The following GLRA3 variants were observed in gnomAD, a reference collection of about 807,000 sequenced individuals.
The protein encoded by GLRA3 is glycine receptor subunit alpha-3.
Under a neutral mutation model 60.4 loss-of-function variants are expected in GLRA3, and 44 were observed. The observed-to-expected ratio is 0.73, with a 90% CI of 0.57 to 0.94. The LOEUF (loss-of-function observed/expected upper bound fraction) is 0.94. Ranked by LOEUF, GLRA3 falls within the 40% of genes least tolerant of loss-of-function variation. The probability of loss-of-function intolerance (pLI) is 0.00; values close to 1 mark genes in which losing one functional copy is unlikely to be tolerated. For synonymous variants in GLRA3, 223 were observed against 192.9 expected, an observed-to-expected ratio of 1.16 and a Z score of -1.29; for missense variants, 508 against 564.6, an observed-to-expected ratio of 0.90 and a Z score of 1.02.
Position 174,817,962 on chromosome 4 carries a change from T to C in GLRA3, c.71+10779A>G, listed in dbSNP as rs577804665. ...TTATAGCTATAATGCTAAGTATATA[T>C]TTTCTGCTAAAGAGAGATTATCAGA... On this transcript the variant is annotated intron_variant, in intron 1 of 9. Coordinates refer to ENST00000274093, the MANE Select transcript of GLRA3 (RefSeq NM_006529.4). Among the ~76,000 whole-genome samples the C allele has an allele frequency of 2.9e-4, 44 of 152,270 alleles. No homozygotes were observed. The South Asian group carries it at 8.9e-3, about 31-fold the overall frequency.
chr4:174,761,373 T>C (rs765632957), intron 3 of GLRA3, among the ~76,000 whole-genome samples: 1 of 152,268 alleles, frequency 6.6e-6, no homozygotes, highest in African/African-American at 2.4e-5. Context: ...TGTGAGCCTA[T>C]CATTTGTATG....
intron 6 of GLRA3, among the ~76,000 whole-genome samples, chr4:174,677,948 A>G (rs1307861981): frequency 1.3e-5 from 2 of 152,160 alleles, no homozygotes; most frequent in Non-Finnish European, 2.9e-5. Flanking sequence ...TTCTTTACTC[A>G]TAGACTGTTT....
chr4:174,654,583 T>G (rs908065805), intron 9 of GLRA3, among the ~76,000 whole-genome samples: 12 of 152,172 alleles, frequency 7.9e-5, no homozygotes, highest in African/African-American at 2.7e-4. Flanking sequence ...TATGTTTTCT[T>G]GCAGCAAACC....
intron 1 of GLRA3, among the ~76,000 whole-genome samples, chr4:174,792,338 T>A (rs985559869): frequency 6.6e-6 from 1 of 152,200 alleles, no homozygotes; most frequent in African/African-American, 2.4e-5. Context: ...ATTTTCTGTT[T>A]TTTTTTAATG....
chr4:174,738,290 C>T (rs1419778829), intron 3 of GLRA3, among the ~76,000 whole-genome samples: 1 of 152,114 alleles, frequency 6.6e-6, no homozygotes, highest in Non-Finnish European at 1.5e-5. Flanking sequence ...CATATATAAC[C>T]TATTAAAATC....
rs149162054 is a variant in GLRA3, at chr4:174,682,034, G to A, written c.712+768C>T. ...CAGTTCTGGAAAATGCTGAGTCCAC[G>A]ATGAATCATAGTTACTGTAATGAAA... On this transcript the variant is annotated intron_variant, in intron 6 of 9. Transcript: ENST00000274093. Among the ~76,000 whole-genome samples the A allele has an allele frequency of 9.2e-5, 14 of 152,282 alleles. No homozygotes were observed. In the East Asian group the frequency reaches 2.3e-3, roughly 25 times the overall value.
intron 1 of GLRA3, among the ~76,000 whole-genome samples, chr4:174,804,981 A>G (rs1306612291): frequency 6.6e-6 from 1 of 152,164 alleles, no homozygotes; most frequent in Middle Eastern, 3.2e-3. Context: ...AAAAGTGAAG[A>G]TGGAGCCTTC....
intron 1 of GLRA3, among the ~76,000 whole-genome samples, chr4:174,811,993 A>G (rs1176594927): frequency 1.3e-5 from 2 of 152,198 alleles, no homozygotes; most frequent in African/African-American, 4.8e-5. Context: ...ACTTTAAAAT[A>G]AGCACAAAGC....
At chr4:174,817,939 A>G (rs1047755635) in intron 1 of GLRA3, among the ~76,000 whole-genome samples, 1 of 152,216 alleles carries the variant, frequency 6.6e-6, no homozygotes, top group Non-Finnish European at 1.5e-5. Context: ...ATATGAAATT[A>G]TAGCTATAAT....
At chr4:174,817,341 G>A (rs538866654) in intron 1 of GLRA3, among the ~76,000 whole-genome samples, 1 of 152,282 alleles carries the variant, frequency 6.6e-6, no homozygotes, top group Middle Eastern at 3.4e-3. Flanking sequence ...AGAAGGATTG[G>A]CAACCTCCAT....
At chr4:174,723,190 T>A (rs1348542895) in intron 4 of GLRA3, among the ~76,000 whole-genome samples, 3 of 152,120 alleles carry the variant, frequency 2.0e-5, no homozygotes, top group Non-Finnish European at 4.4e-5. Context: ...ATTATTTAAG[T>A]GTTCAATATA....
rs1732520409 is a variant in GLRA3 at position 174,637,383 on chromosome 4, C to CG, written c.*6402_*6403insC. On this transcript the variant is annotated 3_prime_UTR_variant, in exon 10 of 10. Transcript: ENST00000274093. ...ATGTCAGGGTACTTCACTCTATTTC[C>CG]CCCCCCATATTATCATTTATCATAC... is the stretch of plus-strand genomic sequence containing the variant. 6.6e-6 allele frequency: 1 copy of CG among 150,946 alleles called. No homozygotes were observed. The highest frequency in any genetic ancestry group is 6.6e-5 in the Admixed American group (1 of 15,066). 9.4% of individuals were successfully genotyped at this position (150,946 alleles called of 1,614,324 possible).
intron 3 of GLRA3, among the ~76,000 whole-genome samples, chr4:174,730,615 T>A (rs982094218): frequency 6.6e-6 from 1 of 152,230 alleles, no homozygotes; most frequent in Non-Finnish European, 1.5e-5. Flanking sequence ...AATCTCTTTA[T>A]CCTTATGTTA....
At chr4:174,772,965 G>T (rs1384046299) in intron 2 of GLRA3, among the ~76,000 whole-genome samples, 1 of 152,152 alleles carries the variant, frequency 6.6e-6, no homozygotes, top group East Asian at 1.9e-4. Flanking sequence ...GGTTTCTGGT[G>T]CACATGAGAT....
chr4:174,741,741 G>T (rs1170312461), intron 3 of GLRA3, among the ~76,000 whole-genome samples: 1 of 151,760 alleles, frequency 6.6e-6, no homozygotes, highest in African/African-American at 2.4e-5. Flanking sequence ...TTAGGTTTGC[G>T]GTCAACTACG....
chr4:174,804,944 T>C (rs185859967), intron 1 of GLRA3, among the ~76,000 whole-genome samples: 84 of 152,258 alleles, frequency 5.5e-4, no homozygotes, highest in Middle Eastern at 3.4e-3. Flanking sequence ...TGTTGCCTGG[T>C]TCTTTACTGT....
intron 1 of GLRA3, among the ~76,000 whole-genome samples, chr4:174,814,755 A>C (rs1223376378): frequency 6.6e-6 from 1 of 152,128 alleles, no homozygotes; most frequent in East Asian, 1.9e-4. Context: ...AGCATGGGAA[A>C]GACCTGCCCC....
At chr4:174,731,235 T>C (rs1736533524) in intron 3 of GLRA3, among the ~76,000 whole-genome samples, 1 of 152,194 alleles carries the variant, frequency 6.6e-6, no homozygotes, top group South Asian at 2.1e-4. Context: ...AAATGTTTTT[T>C]TAAGGCTGAT....
chr4:174,730,320 C>T (rs140803861), intron 3 of GLRA3, among the ~76,000 whole-genome samples: 1 of 152,248 alleles, frequency 6.6e-6, no homozygotes, highest in African/African-American at 2.4e-5. Context: ...CCAGTGTGTG[C>T]CCTCAATACC....
Sources: gnomAD v4.1 joint callset for allele counts (sites outside exome capture counted in the v4.1 genomes callset) on GRCh38, gnomAD v4.1.1 for gene constraint, MANE v1.5 for transcripts, NCBI Gene and HGNC (gene_info 2026-07-23, HGNC 2026-07-21) for gene names.